Variants in GRM7 observed in about 807,000 individuals in gnomAD.
GRM7 encodes the protein glutamate metabotropic receptor 7.
A neutral mutation model predicts 84.5 loss-of-function variants in GRM7; 35 were observed. That is an observed-to-expected ratio of 0.41 (90% CI 0.32 to 0.55). The LOEUF (loss-of-function observed/expected upper bound fraction) is 0.55, where lower values mean the gene tolerates loss of function less well. GRM7 is among the 20% of genes least tolerant of loss of function. GRM7 has a pLI of 0.19. For synonymous variants in GRM7, 487 were observed against 455.1 expected (o/e 1.07, Z -0.89); for missense variants, 1,003 against 1,194.6 (o/e 0.84, Z 2.36).
Position 6,862,917 on chromosome 3 carries a change from G to C in GRM7, c.519+1010G>C, listed in dbSNP as rs1004012874. The C allele has an allele frequency of 5.1e-5, 22 of 431,830 alleles. No homozygotes were observed. Among genetic ancestry groups the C allele is most frequent in the African/African-American group, 8.2e-5 (4 of 48,566 alleles). The allele number at this position is 431,830 out of a possible 1,614,324, so 26.7% of individuals were successfully genotyped here. A position where few individuals can be genotyped will look rare whatever the true frequency, so the allele number is the denominator to read the frequency against. On this transcript the variant is annotated intron_variant, in intron 1 of 9. Transcript: ENST00000357716. The surrounding 1 kb of genome is among the most constrained non-coding windows in gnomAD (Gnocchi z 5.2). ...AAAAATGGGAGGAAGGCGGATCCGGGGCCGCTGAGCGGTGGGTTCTGCCGC... is the reference window on the plus strand; with the variant it reads ...AAAAATGGGAGGAAGGCGGATCCGGCGCCGCTGAGCGGTGGGTTCTGCCGC...
chr3:7,425,416 A>T (rs989088854), intron 5 of GRM7, among the ~76,000 whole-genome samples: 8 of 152,202 alleles, frequency 5.3e-5, no homozygotes, highest in African/African-American at 1.7e-4. Context: ...TGTAGCCCTG[A>T]CTATAAAATT....
At chr3:6,983,803 GT>G (rs5846479) in intron 1 of GRM7, among the ~76,000 whole-genome samples, 23,312 of 145,812 alleles carry the variant, frequency 0.16, 2,011 homozygotes, top group South Asian at 0.32. Context: ...CTTTTGTTTT[GT>G]TTTTTTTTTG....
At chr3:7,642,795 A>C (rs1254288525) in intron 8 of GRM7, among the ~76,000 whole-genome samples, 1 of 152,198 alleles carries the variant, frequency 6.6e-6, no homozygotes, top group African/African-American at 2.4e-5. Flanking sequence ...TTCAGTAAAT[A>C]TTTGATGAAT....
intron 1 of GRM7, among the ~76,000 whole-genome samples, chr3:6,946,315 G>A (rs1698079649): frequency 6.6e-6 from 1 of 152,132 alleles, no homozygotes; most frequent in Admixed American, 6.5e-5. Flanking sequence ...ATTAAACAGG[G>A]AATCCTTTCC....
At chr3:7,467,275 G>A (rs1421196925) in intron 7 of GRM7, among the ~76,000 whole-genome samples, 2 of 152,134 alleles carry the variant, frequency 1.3e-5, no homozygotes, top group Non-Finnish European at 2.9e-5. Context: ...TTTTAGTAGA[G>A]ATGGGGTTTC....
intron 1 of GRM7, among the ~76,000 whole-genome samples, chr3:7,133,130 AGAT>A (rs1693659248): frequency 6.6e-6 from 1 of 152,228 alleles, no homozygotes; most frequent in Non-Finnish European, 1.5e-5. Context: ...CTGAGACACG[AGAT>A]GATTGAAGGT....
chr3:7,629,181 T>A (rs1056916217), intron 8 of GRM7, among the ~76,000 whole-genome samples: 4 of 152,308 alleles, frequency 2.6e-5, no homozygotes, highest in Non-Finnish European at 4.4e-5. Context: ...ATAGATTAAA[T>A]TGCCCAAGGA....
intron 1 of GRM7, among the ~76,000 whole-genome samples, chr3:7,080,102 T>C (rs1698229239): frequency 6.6e-6 from 1 of 152,052 alleles, no homozygotes; most frequent in Non-Finnish European, 1.5e-5. Flanking sequence ...TTTTTTATAG[T>C]GTCTTTATTT....
At chr3:7,442,174 G>A (rs1000215332) in intron 5 of GRM7, among the ~76,000 whole-genome samples, 1 of 151,950 alleles carries the variant, frequency 6.6e-6, no homozygotes, top group Non-Finnish European at 1.5e-5. Context: ...GTGTTTTGTA[G>A]TTGTTTTAGA....
chr3:7,219,427 A>C (rs1696725023), intron 2 of GRM7, among the ~76,000 whole-genome samples: 3 of 152,222 alleles, frequency 2.0e-5, no homozygotes, highest in Admixed American at 2.0e-4. Flanking sequence ...ACATTACTAC[A>C]GTGAATAGCC....
At chr3:7,098,439 C>G (rs1314963169) in intron 1 of GRM7, among the ~76,000 whole-genome samples, 1 of 151,856 alleles carries the variant, frequency 6.6e-6, no homozygotes, top group African/African-American at 2.4e-5. Context: ...AGTTATCAAA[C>G]AAATGAAGAT....
At chr3:7,333,900 A>G (rs935638360) in intron 4 of GRM7, among the ~76,000 whole-genome samples, 1 of 152,054 alleles carries the variant, frequency 6.6e-6, no homozygotes, top group Non-Finnish European at 1.5e-5. Flanking sequence ...GAATTAAGCC[A>G]ATCAGACAAA....
chr3:7,460,566 G>A (rs1246044360), intron 6 of GRM7, among the ~76,000 whole-genome samples: 2 of 151,886 alleles, frequency 1.3e-5, no homozygotes, highest in African/African-American at 4.8e-5. Context: ...TTTTCCGCTG[G>A]GAATATTGGT....
At chr3:7,271,091 C>T (rs2124977371) in intron 2 of GRM7, among the ~76,000 whole-genome samples, 1 of 152,146 alleles carries the variant, frequency 6.6e-6, no homozygotes, top group South Asian at 2.1e-4. Context: ...AATGCGAAGG[C>T]AGTATGTATG....
rs1697259489 is a variant in GRM7 at position 6,925,273 on chromosome 3, T to C, written c.519+63366T>C. 2.0e-5 allele frequency among the ~76,000 whole-genome samples: 3 copies of C among 152,214 alleles called. 1 individual carries two copies. The South Asian group carries it at 6.2e-4, about 31-fold the overall frequency. ...TCTGCTGGCATTTTGTTTTCTGGAT[T>C]CCAGGCACTTAGCAAAGTCCCTCAA... is the stretch of plus-strand genomic sequence containing the variant. On this transcript the variant is annotated intron_variant, in intron 1 of 9. Coordinates refer to ENST00000357716, the MANE Select transcript of GRM7 (RefSeq NM_000844.4).
chr3:7,271,994 G>A (rs1698882135), intron 2 of GRM7, among the ~76,000 whole-genome samples: 1 of 152,060 alleles, frequency 6.6e-6, no homozygotes, highest in Non-Finnish European at 1.5e-5. Context: ...ACAGATTCTT[G>A]GAGGAAAAGG....
At chr3:7,568,137 C>T (rs549861389) in intron 7 of GRM7, among the ~76,000 whole-genome samples, 1 of 152,172 alleles carries the variant, frequency 6.6e-6, no homozygotes, top group Non-Finnish European at 1.5e-5. Context: ...CCTGGAACTT[C>T]CCTTGATGGG....
intron 1 of GRM7, among the ~76,000 whole-genome samples, chr3:6,930,000 A>G (rs956565810): frequency 3.3e-5 from 5 of 152,200 alleles, no homozygotes; most frequent in African/African-American, 1.2e-4. Flanking sequence ...TCCCCAACCC[A>G]TATGTGGCTG....
At chr3:7,363,348 T>C (rs560471292) in intron 4 of GRM7, among the ~76,000 whole-genome samples, 1 of 152,090 alleles carries the variant, frequency 6.6e-6, no homozygotes, top group South Asian at 2.1e-4. Context: ...CACCTGACAA[T>C]AGTCAATCCA....
Sources: gnomAD v4.1 joint callset for allele counts (sites outside exome capture counted in the v4.1 genomes callset) on GRCh38, gnomAD v4.1.1 for gene constraint, Gnocchi (gnomAD v3.1) non-coding constraint, MANE v1.5 for transcripts, NCBI Gene and HGNC (gene_info 2026-07-23, HGNC 2026-07-21) for gene names.